NDST4: variants seen among roughly 807,000 people sequenced by gnomAD.
NDST4 encodes the protein N-deacetylase and N-sulfotransferase 4, also known as N-heparan sulfate sulfotransferase 4.
A neutral mutation model predicts 100.8 loss-of-function variants in NDST4; 63 were observed. That is an observed-to-expected ratio of 0.62 (90% confidence interval 0.51 to 0.77). The LOEUF is 0.77. Among genes scored for constraint, NDST4 ranks in the 30% least tolerant of loss-of-function variants. The pLI is 0.00. For synonymous variants in NDST4, 377 were observed against 361.8 expected, an observed-to-expected ratio of 1.04 and a Z score of -0.48; for missense variants, 943 against 1,018.4, an observed-to-expected ratio of 0.93 and a Z score of 1.01.
In NDST4 at chr4:115,061,674, C is replaced by T. The variant is rs532154999; in HGVS notation, c.978+14385G>A. On this transcript the variant is annotated intron_variant, in intron 2 of 13. Transcript: ENST00000264363. ...CATTAGGACAAATACCTAACGCATG[C>T]GGGGCTTAAAACCTAGATGACAGGT... Among the ~76,000 whole-genome samples, 110 of 151,872 alleles carry T rather than the reference C, an allele frequency of 7.2e-4. 1 individual carries two copies. Among genetic ancestry groups the T allele is most frequent in the African/African-American group, 2.4e-3 (98 of 41,384 alleles).
intron 2 of NDST4, among the ~76,000 whole-genome samples, chr4:114,985,198 A>G (rs1464199442): frequency 6.6e-6 from 1 of 152,190 alleles, no homozygotes; most frequent in Non-Finnish European, 1.5e-5. Context: ...AAAAAAACCT[A>G]GTGAGCCAAA....
rs76963995 is a variant in NDST4 at position 114,956,867 on chromosome 4, T to A, written c.1221+13563A>T. Reference sequence around the variant, plus strand: ...AGTGTGAAGAGTGCTGCCAAAATTATCTAAAATGTCCATTAAAAAAATACA... The same window carrying A: ...AGTGTGAAGAGTGCTGCCAAAATTAACTAAAATGTCCATTAAAAAAATACA... On this transcript the variant is annotated intron_variant, in intron 4 of 13. Transcript: ENST00000264363. 8.3e-3 allele frequency among the ~76,000 whole-genome samples: 1,257 copies of A among 152,200 alleles called. 20 individuals are homozygous for A. Among genetic ancestry groups the A allele is most frequent in the African/African-American group, 0.029 (1,204 of 41,516 alleles).
rs531920916 is a variant in NDST4 at position 115,008,673 on chromosome 4, G to A, written c.979-31399C>T. Among the ~76,000 whole-genome samples the A allele has an allele frequency of 1.6e-3, 207 of 128,028 alleles. 50 individuals carry two copies. Among genetic ancestry groups the A allele is most frequent in the African/African-American group, 5.7e-3 (193 of 33,768 alleles). The allele number at this position is 128,028 out of a possible 152,430, so 84.0% of individuals were successfully genotyped here. A position where few individuals can be genotyped will look rare whatever the true frequency, so the allele number is the denominator to read the frequency against. On this transcript the variant is annotated intron_variant, in intron 2 of 13. Transcript: ENST00000264363. ...ACTCCTATTCAACATAGTGTTGGAA[G>A]TTCTGGCCAGGACAATTAGGCAGGA...
At position 115,000,640 on chromosome 4, in the gene NDST4, A is replaced by T. The variant is rs561751824; in HGVS notation, c.979-23366T>A. Among the ~76,000 whole-genome samples, 8 of 152,238 alleles carry T rather than the reference A, an allele frequency of 5.3e-5. 1 individual carries two copies. In the East Asian group the frequency reaches 1.5e-3, roughly 29 times the overall value. On this transcript the variant is annotated intron_variant, in intron 2 of 13. Coordinates refer to ENST00000264363, the MANE Select transcript of NDST4 (RefSeq NM_022569.3). The stretch of plus-strand genomic sequence containing the variant: ...GTCCATAATCCTTGATATGACACTA[A>T]TTACTACGCAAAATTTCTTACCCTT...
intron 11 of NDST4, among the ~76,000 whole-genome samples, 182 bp downstream of exon 11, chr4:114,839,196 T>C (rs375302361): frequency 6.4e-4 from 97 of 152,334 alleles, no homozygotes; most frequent in African/African-American, 2.3e-3. Context: ...ATTTCTTCCT[T>C]ACTTATCATT....
At chr4:114,938,483 A>G (rs1379185745) in intron 4 of NDST4, among the ~76,000 whole-genome samples, 1 of 152,224 alleles carries the variant, frequency 6.6e-6, no homozygotes, top group Non-Finnish European at 1.5e-5. Context: ...CTCCCTTTAA[A>G]TGCTTATCTG....
At chr4:114,858,330 C>T (rs1325344049) in intron 7 of NDST4, among the ~76,000 whole-genome samples, 1 of 152,204 alleles carries the variant, frequency 6.6e-6, no homozygotes, top group South Asian at 2.1e-4. Flanking sequence ...GCTATCACCA[C>T]TATGAAAGGG....
At chr4:115,088,802 T>C (rs1348255057) in intron 1 of NDST4, among the ~76,000 whole-genome samples, 1 of 152,118 alleles carries the variant, frequency 6.6e-6, no homozygotes, top group Non-Finnish European at 1.5e-5. Context: ...ATCTCTTTTA[T>C]CTTTAAGTCT....
intron 2 of NDST4, among the ~76,000 whole-genome samples, chr4:115,074,827 G>A (rs1350429839): frequency 3.3e-5 from 5 of 151,998 alleles, no homozygotes; most frequent in African/African-American, 9.7e-5. Flanking sequence ...CAAAAACGTC[G>A]ATAACATCTT....
intron 6 of NDST4, among the ~76,000 whole-genome samples, chr4:114,874,644 A>T (rs1306852113): frequency 6.6e-6 from 1 of 152,200 alleles, no homozygotes; most frequent in African/African-American, 2.4e-5. Flanking sequence ...GTGCAGACAC[A>T]GCATTTTAGT....
intron 2 of NDST4, among the ~76,000 whole-genome samples, chr4:114,988,350 A>AT (rs1560846225): frequency 2.5e-4 from 19 of 76,690 alleles, no homozygotes; most frequent in African/African-American, 1.0e-3. Context: ...AGATACACAT[A>AT]TCTTTTTTTT....
At position 115,089,762 on chromosome 4, in the gene NDST4, A is replaced by C. The variant is rs1254571432; in HGVS notation, c.-246-12480T>G. 2.6e-5 allele frequency among the ~76,000 whole-genome samples: 4 copies of C among 152,016 alleles called. No homozygotes were observed. In the East Asian group the frequency reaches 7.7e-4, roughly 29 times the overall value. On this transcript the variant is annotated intron_variant, in intron 1 of 13. Coordinates refer to ENST00000264363, the MANE Select transcript of NDST4 (RefSeq NM_022569.3). The stretch of plus-strand genomic sequence containing the variant: ...ACGTTCAATGTTATAATGTTTTAAT[A>C]GTTTTTTATTGGAACAATGATCTCA...
At chr4:114,949,531 G>C (rs1725942835) in intron 4 of NDST4, among the ~76,000 whole-genome samples, 1 of 152,026 alleles carries the variant, frequency 6.6e-6, no homozygotes, top group Non-Finnish European at 1.5e-5. Context: ...TGCCAAAAGT[G>C]AGGCCTCAGA....
intron 2 of NDST4, among the ~76,000 whole-genome samples, chr4:115,024,926 T>G (rs1170180381): frequency 6.6e-6 from 1 of 152,168 alleles, no homozygotes; most frequent in Non-Finnish European, 1.5e-5. Context: ...CGGTGTGAGT[T>G]AGAAATCTTG....
intron 2 of NDST4, among the ~76,000 whole-genome samples, chr4:115,045,451 T>A (rs9307410): frequency 3.3e-5 from 5 of 152,082 alleles, no homozygotes; most frequent in Non-Finnish European, 7.4e-5. Flanking sequence ...GAACTTATAC[T>A]TCAATTGAGT....
At chr4:114,986,830 A>ATATATATATATATATTTATT (rs1553959396) in intron 2 of NDST4, among the ~76,000 whole-genome samples, 11 of 91,964 alleles carry the variant, frequency 1.2e-4, no homozygotes, top group African/African-American at 4.7e-4. Flanking sequence ...ATATATATAT[A>ATATATATATATATATTTATT]TATTTTAATA....
intron 6 of NDST4, among the ~76,000 whole-genome samples, chr4:114,922,775 T>C (rs142694812): frequency 1.3e-5 from 2 of 152,208 alleles, no homozygotes; most frequent in Non-Finnish European, 2.9e-5. Context: ...GGTAGACACA[T>C]GCGGTTATGG....
At position 114,974,637 on chromosome 4, in the gene NDST4, T is replaced by G. The variant is rs77593172; in HGVS notation, c.1066+2550A>C. On this transcript the variant is annotated intron_variant, in intron 3 of 13. Transcript: ENST00000264363. ...TCTAAATATTTCCAGACTAAGGTAT[T>G]TCATTCTAAACTCCGTGCTTTTATT... Among the ~76,000 whole-genome samples, 1,484 of 152,254 alleles carry G rather than the reference T, an allele frequency of 9.7e-3. 25 individuals are homozygous for G. The highest frequency in any genetic ancestry group is 0.031 in the African/African-American group (1,280 of 41,560).
chr4:115,045,836 G>A (rs113338328), intron 2 of NDST4, among the ~76,000 whole-genome samples: 1 of 152,108 alleles, frequency 6.6e-6, no homozygotes, highest in African/African-American at 2.4e-5. Flanking sequence ...AGAAATATGG[G>A]AGAATTGCCA....
Sources: gnomAD v4.1 joint callset for allele counts (sites outside exome capture counted in the v4.1 genomes callset) on GRCh38, gnomAD v4.1.1 for gene constraint, MANE v1.5 for transcripts, NCBI Gene and HGNC (gene_info 2026-07-23, HGNC 2026-07-21) for gene names.